The following GLIS3 variants were observed in gnomAD, a reference collection of about 807,000 sequenced individuals.
GLIS3 encodes GLIS family zinc finger 3.
Under a neutral mutation model 78.6 loss-of-function variants are expected in GLIS3, and 53 were observed. The observed-to-expected ratio is 0.67, with a 90% CI of 0.54 to 0.85. The LOEUF is 0.85. Among genes scored for constraint, GLIS3 ranks in the 40% least tolerant of loss-of-function variants. GLIS3 has a pLI of 0.00. For synonymous variants in GLIS3, 684 were observed against 509.9 expected, an observed-to-expected ratio of 1.34 and a Z score of -4.60; for missense variants, 1,703 against 1,231.1, an observed-to-expected ratio of 1.38 and a Z score of -5.74.
intron 4 of GLIS3, among the ~76,000 whole-genome samples, chr9:4,110,526 C>T (rs73392596): frequency 0.025 from 3,831 of 152,232 alleles, 181 homozygotes; most frequent in African/African-American, 0.088. Context: ...GAAATAAAAA[C>T]ACACAGGTTT....
At chr9:4,262,521 G>T (rs769062795) in intron 2 of GLIS3, among the ~76,000 whole-genome samples, 1 of 152,030 alleles carries the variant, frequency 6.6e-6, no homozygotes, top group Non-Finnish European at 1.5e-5. Flanking sequence ...AGGCAGAGAG[G>T]AATACCTAAC....
At chr9:4,470,673 A>G in the GLIS3 span, among the ~76,000 whole-genome samples, 1 of 151,972 alleles carries the variant, frequency 6.6e-6, no homozygotes, top group Non-Finnish European at 1.5e-5. Flanking sequence ...AACTGGAAGC[A>G]TTCCCTTTGA....
rs181968188 is a variant in GLIS3 at position 4,265,979 on chromosome 9, C to A, written c.388+20059G>T. On this transcript the variant is annotated intron_variant, in intron 2 of 10. Transcript: ENST00000381971. Reference sequence around the variant, plus strand: ...TATCGCCCAGGCTGGAGTGCAGTGACATGATCTCGGCTCACTGCAAGCTCC... The same window carrying A: ...TATCGCCCAGGCTGGAGTGCAGTGAAATGATCTCGGCTCACTGCAAGCTCC... 1.7e-4 allele frequency among the ~76,000 whole-genome samples: 25 copies of A among 151,264 alleles called. No homozygotes were observed. The East Asian group carries it at 4.9e-3, about 30-fold the overall frequency.
intron 4 of GLIS3, among the ~76,000 whole-genome samples, chr9:4,033,142 C>T (rs1366490688): frequency 6.6e-6 from 1 of 152,072 alleles, no homozygotes; most frequent in Non-Finnish European, 1.5e-5. Flanking sequence ...TGTGAGCCAC[C>T]ACACCTGGCT....
intron 9 of GLIS3, among the ~76,000 whole-genome samples, chr9:3,844,864 A>G (rs1236001287): frequency 6.6e-6 from 1 of 152,232 alleles, no homozygotes; most frequent in Non-Finnish European, 1.5e-5. Flanking sequence ...CAAGTCACCA[A>G]TCTTTGCTTT....
At chr9:4,266,630 ACTTTC>A in intron 2 of GLIS3, among the ~76,000 whole-genome samples, 1 of 134,026 alleles carries the variant, frequency 7.5e-6, no homozygotes, top group East Asian at 2.3e-4. Flanking sequence ...ACACACACAC[ACTTTC>A]CTTAGCAACC....
intron 4 of GLIS3, among the ~76,000 whole-genome samples, chr9:4,047,296 G>C (rs1439258389): frequency 6.6e-6 from 1 of 152,098 alleles, no homozygotes; most frequent in Non-Finnish European, 1.5e-5. Flanking sequence ...CATGCAGAAC[G>C]TGAGTCAATT....
intron 2 of GLIS3, among the ~76,000 whole-genome samples, chr9:4,249,169 A>AGTCATTGG (rs1824107241): frequency 6.6e-6 from 1 of 150,772 alleles, no homozygotes; most frequent in Non-Finnish European, 1.5e-5. Context: ...TGTAAAGAAA[A>AGTCATTGG]TAGCTTGATG....
Position 3,879,419 on chromosome 9 carries a change from G to A in GLIS3, c.2297+8C>T, listed in dbSNP as rs746176716. On this transcript the variant is annotated splice_region_variant and intron_variant, in intron 8 of 10. Transcript: ENST00000381971. ...CACCTATTAGGAGAGAGAGACAGAT[G>A]GCCTTACCTCTCAGCTCCTGCGTCC... 1.2e-6 allele frequency: 2 copies of A among 1,613,658 alleles called. No individual in the cohort carries two copies. The highest frequency in any genetic ancestry group is 4.5e-5 in the East Asian group (2 of 44,882).
intron 9 of GLIS3, among the ~76,000 whole-genome samples, chr9:3,854,580 T>A (rs988221354): frequency 2.0e-5 from 3 of 151,098 alleles, no homozygotes; most frequent in Non-Finnish European, 4.4e-5. Context: ...TCTGTCACCC[T>A]GGCTGGAGTA....
chr9:4,179,599 A>G (rs1223485241), intron 2 of GLIS3, among the ~76,000 whole-genome samples: 1 of 152,208 alleles, frequency 6.6e-6, no homozygotes, highest in African/African-American at 2.4e-5. Context: ...ATAAGCCTTT[A>G]AAGATCATCG....
At chr9:4,415,727 A>T in the GLIS3 span, among the ~76,000 whole-genome samples, 2 of 152,140 alleles carry the variant, frequency 1.3e-5, no homozygotes, top group African/African-American at 2.4e-5. Flanking sequence ...GCTTCAGATT[A>T]TGTCCCCAGA....
At chr9:3,945,160 C>T (rs867799401) in intron 4 of GLIS3, among the ~76,000 whole-genome samples, 1 of 152,186 alleles carries the variant, frequency 6.6e-6, no homozygotes, top group African/African-American at 2.4e-5. Context: ...GCATCATACT[C>T]GAACCATAGC....
intron 1 of GLIS3, among the ~76,000 whole-genome samples, chr9:4,289,463 T>G (rs1828267513): frequency 6.6e-6 from 1 of 152,164 alleles, no homozygotes; most frequent in Non-Finnish European, 1.5e-5. Flanking sequence ...TGGGCAATAC[T>G]AACCATGAAC....
At position 3,898,802 on chromosome 9, in the gene GLIS3, G is replaced by C. The variant is rs754814654; in HGVS notation, c.2017C>G (p.Leu673Val). Residue 673 changes from leucine (L) to valine (V), a missense_variant, in exon 7 of 11, where the codon CTC becomes GTC. Physicochemically the swap from Leu to Val is conservative, Grantham distance 32. Coordinates refer to ENST00000381971, the MANE Select transcript of GLIS3 (RefSeq NM_001042413.2). ...GACTGCACGGTGAGGCAATCTGTGA[G>C]CAGGTCTGGATGGAGCTCTGTGCTG... The part of the protein sequence containing the change: ...RSSTELHPDL[L>V]TDCLTVQSLQ... 6.2e-7 allele frequency: 1 copy of C among 1,614,174 alleles called. No homozygotes were observed. Among genetic ancestry groups the C allele is most frequent in the African/African-American group, 1.3e-5 (1 of 75,040 alleles).
chr9:3,913,966 G>A (rs1824319563), intron 6 of GLIS3, among the ~76,000 whole-genome samples: 1 of 152,136 alleles, frequency 6.6e-6, no homozygotes, highest in African/African-American at 2.4e-5. Flanking sequence ...ATTAATCCAT[G>A]CTTAACCTTT....
intron 4 of GLIS3, among the ~76,000 whole-genome samples, chr9:3,944,379 G>A (rs533200608): frequency 6.6e-6 from 1 of 152,326 alleles, no homozygotes; most frequent in African/African-American, 2.4e-5. Flanking sequence ...AACATTCACA[G>A]TGCAACATTG....
At chr9:4,122,403 T>C (rs1282099729) in intron 3 of GLIS3, among the ~76,000 whole-genome samples, 1 of 152,186 alleles carries the variant, frequency 6.6e-6, no homozygotes, top group Non-Finnish European at 1.5e-5. Context: ...TTATAAACTG[T>C]TACAATTTAC....
intron 8 of GLIS3, among the ~76,000 whole-genome samples, chr9:3,876,929 A>G (rs1821356299): frequency 6.6e-6 from 1 of 151,994 alleles, no homozygotes; most frequent in African/African-American, 2.4e-5. Context: ...CAGAACTGAG[A>G]TGCAAATTTC....
Sources: gnomAD v4.1 joint callset for allele counts (sites outside exome capture counted in the v4.1 genomes callset) on GRCh38, gnomAD v4.1.1 for gene constraint, MANE v1.5 for transcripts, NCBI Gene and HGNC (gene_info 2026-07-23, HGNC 2026-07-21) for gene names.